PTGFRN: variants seen among roughly 807,000 people sequenced by gnomAD.
The protein encoded by PTGFRN is prostaglandin F2 receptor inhibitor.
Under a neutral mutation model 83.2 loss-of-function variants are expected in PTGFRN, and 35 were observed. The observed-to-expected ratio is 0.42, with a 90% CI of 0.32 to 0.56. The LOEUF (loss-of-function observed/expected upper bound fraction) is 0.56, where lower values mean the gene tolerates loss of function less well. PTGFRN is among the 20% of genes least tolerant of loss of function. The pLI is 0.11. For missense variants in PTGFRN, 1,051 were observed against 1,179.5 expected, an observed-to-expected ratio of 0.89 and a Z score of 1.60; for synonymous variants, 519 against 498.6, an observed-to-expected ratio of 1.04 and a Z score of -0.55.
chr1:116,942,083 G>T lies in PTGFRN; in HGVS notation c.418G>T (p.Val140Leu), dbSNP rs1650078094. Residue 140 changes from valine to leucine, a missense_variant and splice_region_variant, in exon 2 of 9, where the codon GTG becomes TTG. Around this residue, in one of 3 missense-constraint regions of PTGFRN, gnomAD observed 205 missense variants for 174.5 expected, o/e 1.17. Coordinates refer to ENST00000393203, the MANE Select transcript of PTGFRN (RefSeq NM_020440.4). ...GNYEDTVQVK[V>L]LADSLHVGPS... ...CTATGAGGACACAGTGCAGGTTAAA[G>T]GTACAGTCCTCACATGGGCTTGTTA... 1 of 1,608,292 alleles carries T rather than the reference G, an allele frequency of 6.2e-7. No homozygotes were observed. Among genetic ancestry groups the T allele is most frequent in the Non-Finnish European group, 8.5e-7 (1 of 1,175,776 alleles).
intron 2 of PTGFRN, among the ~76,000 whole-genome samples, chr1:116,943,957 C>T (rs1464072897): frequency 6.6e-6 from 1 of 152,310 alleles, no homozygotes; most frequent in South Asian, 2.1e-4. Context: ...ACCAGAATAG[C>T]AGTATCCATC....
intron 1 of PTGFRN, among the ~76,000 whole-genome samples, chr1:116,914,221 C>T (rs1649342860): frequency 6.6e-6 from 1 of 152,186 alleles, no homozygotes; most frequent in African/African-American, 2.4e-5. Context: ...ACCATTCCAG[C>T]CCCTACAAAG....
rs1557963265 is a variant in PTGFRN, at chr1:116,941,686, G to C, written c.50-29G>C. 1 of 1,580,160 alleles carries C rather than the reference G, an allele frequency of 6.3e-7. No homozygotes were observed. The highest frequency in any genetic ancestry group is 8.6e-7 in the Non-Finnish European group (1 of 1,162,618). On this transcript the variant is annotated intron_variant, in intron 1 of 8. Transcript: ENST00000393203. The surrounding 1 kb of genome is among the most constrained non-coding windows in gnomAD (Gnocchi z 5.0). Reference sequence around the variant, plus strand: ...CCTGGGAAGACTTTCTGTGATTAAAGACCTGCCTTTCATCTTTTATCATTG... The same window carrying C: ...CCTGGGAAGACTTTCTGTGATTAAACACCTGCCTTTCATCTTTTATCATTG...
rs973623677 is a variant in PTGFRN, at chr1:116,941,435, G to A, written c.50-280G>A. ...TGTGTTAAATAGTAACTGGAGGGAAGAAGCTATTGAGGTTTACAGTTAGCC... is the reference window on the plus strand; with the variant it reads ...TGTGTTAAATAGTAACTGGAGGGAAAAAGCTATTGAGGTTTACAGTTAGCC... On this transcript the variant is annotated intron_variant, in intron 1 of 8. Transcript: ENST00000393203. This position sits in a 1 kb window ranked among gnomAD's most constrained non-coding sequence, Gnocchi z 5.0. Among the ~76,000 whole-genome samples the A allele has an allele frequency of 2.0e-5, 3 of 152,200 alleles. No individual in the cohort carries two copies. Among genetic ancestry groups the A allele is most frequent in the African/African-American group, 7.2e-5 (3 of 41,452 alleles).
At chr1:116,962,828 G>A (rs754663194) in intron 5 of PTGFRN, among the ~76,000 whole-genome samples, 4 of 152,096 alleles carry the variant, frequency 2.6e-5, no homozygotes, top group Admixed American at 1.3e-4. Flanking sequence ...ACCTGACATC[G>A]TCCTTCACTG....
At chr1:116,978,250 A>AAGTCC (rs1651213659) in intron 7 of PTGFRN, among the ~76,000 whole-genome samples, 1 of 152,196 alleles carries the variant, frequency 6.6e-6, no homozygotes, top group Admixed American at 6.5e-5. Context: ...CAACCAAAAA[A>AAGTCC]AGTCCAGGAG....
chr1:116,953,038 C>G (rs908427870), intron 4 of PTGFRN, among the ~76,000 whole-genome samples: 10 of 152,204 alleles, frequency 6.6e-5, no homozygotes, highest in African/African-American at 2.4e-4. Flanking sequence ...GAGCCTTTGG[C>G]AAGAGTTGGA....
In PTGFRN at chr1:116,958,713, G is replaced by C. The variant is rs1399170899; in HGVS notation, c.1214-2530G>C. The stretch of plus-strand genomic sequence containing the variant: ...CCATTTGTATGGGTGAGGCACCAGA[G>C]ATCTGAGTAATCTACCCAAGGTCAA... On this transcript the variant is annotated intron_variant, in intron 4 of 8. Transcript: ENST00000393203. The surrounding 1 kb of genome is among the most constrained non-coding windows in gnomAD (Gnocchi z 4.9). Among the ~76,000 whole-genome samples the C allele has an allele frequency of 6.6e-6, 1 of 152,200 alleles. No individual in the cohort carries two copies. Among genetic ancestry groups the C allele is most frequent in the African/African-American group, 2.4e-5 (1 of 41,452 alleles).
At position 116,941,068 on chromosome 1, in the gene PTGFRN, C is replaced by T. The variant is rs958019096; in HGVS notation, c.50-647C>T. ...CACCCAGCAACCAACCTGCCTCTCT[C>T]CCTTTGTGCTTCCACATCCTCATTC... On this transcript the variant is annotated intron_variant, in intron 1 of 8. Coordinates refer to ENST00000393203, the MANE Select transcript of PTGFRN (RefSeq NM_020440.4). This position sits in a 1 kb window ranked among gnomAD's most constrained non-coding sequence, Gnocchi z 5.0. 6.6e-6 allele frequency among the ~76,000 whole-genome samples: 1 copy of T among 152,214 alleles called. No homozygotes were observed. The highest frequency in any genetic ancestry group is 1.5e-5 in the Non-Finnish European group (1 of 68,044).
At chr1:116,945,235 G>T in intron 3 of PTGFRN, 143 bp downstream of exon 3, 1 of 1,088,150 alleles carries the variant, frequency 9.2e-7, no homozygotes, top group South Asian at 1.7e-5. Context: ...AGGGGTGAAG[G>T]GAGTAGGGTG....
chr1:116,917,967 A>T (rs1054982301), intron 1 of PTGFRN, among the ~76,000 whole-genome samples: 3 of 151,932 alleles, frequency 2.0e-5, no homozygotes, highest in African/African-American at 7.3e-5. Flanking sequence ...GTCCCTCTGG[A>T]TGTCTTCTTC....
At position 116,954,148 on chromosome 1, in the gene PTGFRN, G is replaced by A. The variant is rs192458192; in HGVS notation, c.1213+4576G>A. ...GCTGGGATTACAGGTGTGAGCCACC[G>A]TGCCTGGCCCTTCATGAGTATTTCT... is the stretch of plus-strand genomic sequence containing the variant. On this transcript the variant is annotated intron_variant, in intron 4 of 8. Coordinates refer to ENST00000393203, the MANE Select transcript of PTGFRN (RefSeq NM_020440.4). 4.7e-4 allele frequency among the ~76,000 whole-genome samples: 71 copies of A among 152,186 alleles called. 1 individual carries two copies. Among genetic ancestry groups the A allele is most frequent in the African/African-American group, 1.6e-3 (65 of 41,528 alleles).
intron 4 of PTGFRN, among the ~76,000 whole-genome samples, chr1:116,960,801 A>G (rs1197849493): frequency 6.6e-6 from 1 of 152,068 alleles, no homozygotes; most frequent in Non-Finnish European, 1.5e-5. Flanking sequence ...TCTGGAATTT[A>G]CTGTTGGGTG....
intron 1 of PTGFRN, among the ~76,000 whole-genome samples, chr1:116,931,158 G>A (rs542560402): frequency 6.6e-6 from 1 of 152,300 alleles, no homozygotes; most frequent in South Asian, 2.1e-4. Flanking sequence ...ATGCTCGGAG[G>A]AAATGCTCGT....
rs771314354 is a variant in PTGFRN, at chr1:116,944,889, G to A, written c.629G>A (p.Gly210Glu). 4 of 1,610,820 alleles carry A rather than the reference G, an allele frequency of 2.5e-6. No individual in the cohort carries two copies. Among genetic ancestry groups the A allele is most frequent in the Non-Finnish European group, 3.4e-6 (4 of 1,179,476 alleles). ...GAGGGCAGGTTCCACCCGGGCCTGG[G>A]GTACGAGCAGCGCTACCACAGTGGG... ...THEGRFHPGLGYEQRYHSGDV... is the reference protein window; with the variant it reads ...THEGRFHPGLEYEQRYHSGDV... The change falls in exon 3 of 9, where the codon GGG (glycine) becomes GAG (glutamate). Residue 210 changes from glycine (G) to glutamate (E), a missense_variant. Coordinates refer to ENST00000393203, the MANE Select transcript of PTGFRN (RefSeq NM_020440.4).
At chr1:116,917,504 A>G (rs1482901502) in intron 1 of PTGFRN, among the ~76,000 whole-genome samples, 3 of 151,986 alleles carry the variant, frequency 2.0e-5, no homozygotes, top group Non-Finnish European at 4.4e-5. Context: ...GGGAGAGGAG[A>G]GCATGGAGAG....
chr1:116,937,806 G>T (rs965809211), intron 1 of PTGFRN, among the ~76,000 whole-genome samples: 4 of 152,140 alleles, frequency 2.6e-5, no homozygotes, highest in Non-Finnish European at 4.4e-5. Flanking sequence ...CTATGATCAG[G>T]TTTATCCTAG....
chr1:116,976,373 C>T (rs375346299), intron 7 of PTGFRN, among the ~76,000 whole-genome samples: 22 of 152,172 alleles, frequency 1.4e-4, no homozygotes, highest in South Asian at 4.1e-4. Flanking sequence ...ATACAGAGAA[C>T]GCCACAAAGA....
At chr1:116,951,275 G>T (rs1026170545) in intron 4 of PTGFRN, among the ~76,000 whole-genome samples, 5 of 152,252 alleles carry the variant, frequency 3.3e-5, no homozygotes, top group African/African-American at 1.2e-4. Flanking sequence ...GAAGGGATTT[G>T]TTGGTAGCTG....
Sources: gnomAD v4.1 joint callset for allele counts (sites outside exome capture counted in the v4.1 genomes callset) on GRCh38, gnomAD v4.1.1 for gene constraint, gnomAD v4.1.1 regional missense constraint, Gnocchi (gnomAD v3.1) non-coding constraint, MANE v1.5 for transcripts, NCBI Gene and HGNC (gene_info 2026-07-23, HGNC 2026-07-21) for gene names.